The following CLCNKA variants were observed in gnomAD, a reference collection of about 807,000 sequenced individuals.
The protein encoded by CLCNKA is chloride voltage-gated channel Ka.
Under a neutral mutation model 83.3 loss-of-function variants are expected in CLCNKA, and 66 were observed. The ratio of observed to expected loss-of-function variants is 0.79; its 90% CI spans 0.65 to 0.97. The LOEUF is 0.97. CLCNKA is among the 50% of genes least tolerant of loss of function. The pLI is 0.00. For missense variants in CLCNKA, 806 were observed against 888.7 expected (o/e 0.91, Z 1.18); for synonymous variants, 357 against 370.4 (o/e 0.96, Z 0.42).
intron 3 of CLCNKA, 42 bp from the exon 4 acceptor site, chr1:16,024,721 G>T: frequency 1.1e-5 from 18 of 1,612,274 alleles, no homozygotes; most frequent in Non-Finnish European, 1.5e-5. Flanking sequence ...CCTGAGGGCT[G>T]CAGAGGCTGT....
At chr1:16,033,308 C>CTGGGGAGG (rs1557458576) in intron 19 of CLCNKA, 52 bp downstream of exon 19, 1 of 1,586,300 alleles carries the variant, frequency 6.3e-7, no homozygotes, top group Non-Finnish European at 8.7e-7. Flanking sequence ...CCTGAGAAGG[C>CTGGGGAGG]TGGGGAGATG....
chr1:16,031,632 G>T, intron 15 of CLCNKA, 78 bp from the exon 16 acceptor site: 1 of 1,605,622 alleles, frequency 6.2e-7, no homozygotes, highest in Non-Finnish European at 8.5e-7. Flanking sequence ...TTCAAGCAAA[G>T]CTCCCCTCAG....
intron 8 of CLCNKA, among the ~76,000 whole-genome samples, 191 bp from the exon 9 acceptor site, chr1:16,027,629 CA>C (rs2022422609): frequency 6.6e-6 from 1 of 152,246 alleles, no homozygotes; most frequent in African/African-American, 2.4e-5. Context: ...TGTTGAGGGG[CA>C]AGGGGCCCTG....
chr1:16,032,200 C>T lies in CLCNKA; in HGVS notation c.1757-3C>T. On this transcript the variant is annotated splice_polypyrimidine_tract_variant and splice_region_variant and intron_variant, in intron 16 of 19. Transcript: ENST00000331433. ...TCCCTCCCTCTCCCTCTCTACTTGC[C>T]AGAGTCCCAGATCCTGGTAGGCATC... The T allele has an allele frequency of 1.2e-6, 2 of 1,612,190 alleles. No individual in the cohort carries two copies. The highest frequency in any genetic ancestry group is 1.7e-6 in the Non-Finnish European group (2 of 1,179,404).
At chr1:16,032,946 G>T (rs2022691339) in intron 18 of CLCNKA, among the ~76,000 whole-genome samples, 1 of 152,218 alleles carries the variant, frequency 6.6e-6, no homozygotes, top group Non-Finnish European at 1.5e-5. Flanking sequence ...GCTGCTGGAG[G>T]GTGCTGGATG....
Position 16,033,239 on chromosome 1 carries a change from T to C in CLCNKA, c.1999T>C (p.Cys667Arg). 1 of 1,613,940 alleles carries C rather than the reference T, an allele frequency of 6.2e-7. No homozygotes were observed. The highest frequency in any genetic ancestry group is 8.5e-7 in the Non-Finnish European group (1 of 1,179,948). Residue 667 changes from cysteine (C) to arginine (R), a missense_variant, in exon 19 of 20, where the codon TGC becomes CGC. Transcript: ENST00000331433. Reference sequence around the variant, plus strand: ...GACATCGCGGGGCAGAGCTGTGGGCTGCGTGTCCTGGGTGGAGGTACCAGG... The same window carrying C: ...GACATCGCGGGGCAGAGCTGTGGGCCGCGTGTCCTGGGTGGAGGTACCAGG... ...FVTSRGRAVGCVSWVEMKKAI... is the reference protein window; with the variant it reads ...FVTSRGRAVGRVSWVEMKKAI...
chr1:16,026,688 A>T lies in CLCNKA; in HGVS notation c.577-9A>T, dbSNP rs2022364531. 6.2e-7 allele frequency: 1 copy of T among 1,613,572 alleles called. No homozygotes were observed. Among genetic ancestry groups the T allele is most frequent in the South Asian group, 1.1e-5 (1 of 91,080 alleles). On this transcript the variant is annotated splice_polypyrimidine_tract_variant and intron_variant, in intron 6 of 19. Transcript: ENST00000331433. Reference sequence around the variant, plus strand: ...GGCTGACTCTGAGCCCTGGACTCGGATCCCCCAGAACAAGAGCAAGCAAAA... The same window carrying T: ...GGCTGACTCTGAGCCCTGGACTCGGTTCCCCCAGAACAAGAGCAAGCAAAA...
chr1:16,032,192 C>A lies in CLCNKA; in HGVS notation c.1757-11C>A, dbSNP rs760410288. 1 of 1,610,972 alleles carries A rather than the reference C, an allele frequency of 6.2e-7. No individual in the cohort carries two copies. The highest frequency in any genetic ancestry group is 8.5e-7 in the Non-Finnish European group (1 of 1,178,284). On this transcript the variant is annotated splice_polypyrimidine_tract_variant and intron_variant, in intron 16 of 19. Transcript: ENST00000331433. The stretch of plus-strand genomic sequence containing the variant: ...AATGCACCTCCCTCCCTCTCCCTCT[C>A]TACTTGCCAGAGTCCCAGATCCTGG...
chr1:16,025,961 G>T, intron 4 of CLCNKA, 147 bp from the exon 5 acceptor site: 2 of 1,032,184 alleles, frequency 1.9e-6, no homozygotes, highest in Non-Finnish European at 3.0e-6. Flanking sequence ...TCACCATGTT[G>T]GCAAGGCTGG....
In CLCNKA at chr1:16,031,713, C is replaced by A; in HGVS notation, c.1626C>A (p.Ser542=). 6.2e-7 allele frequency: 1 copy of A among 1,613,758 alleles called. No individual in the cohort carries two copies. Among genetic ancestry groups the A allele is most frequent in the African/African-American group, 1.3e-5 (1 of 75,052 alleles). The change falls in exon 16 of 20, where the codon TCC becomes TCA. Residue 542 remains serine, a synonymous_variant. Transcript: ENST00000331433. ...LPRILGRNIG[S]HHVRVEHFMN... ...ATGGGAGCCCCTCTGCCTGCAGCTC[C>A]CACCATGTGAGGGTGGAGCACTTCA...
At chr1:16,030,321 G>A in intron 14 of CLCNKA, 140 bp from the exon 15 acceptor site, 1 of 1,108,772 alleles carries the variant, frequency 9.0e-7, no homozygotes, top group Non-Finnish European at 1.3e-6. Context: ...AGGCCTTGGG[G>A]CACTTCCCAC....
Position 16,031,776 on chromosome 1 carries a change from G to A in CLCNKA, c.1689G>A (p.Pro563=), listed in dbSNP as rs199587920. 1.8e-4 allele frequency: 284 copies of A among 1,608,992 alleles called. 1 individual carries two copies. Among genetic ancestry groups the A allele is most frequent in the East Asian group, 7.4e-4 (33 of 44,894 alleles). The stretch of plus-strand genomic sequence containing the variant: ...TCACCACACTGGCCAAGGACACGCC[G>A]CTGGAGGAGGTGGTCAAGGTTGTGA... ...HSITTLAKDT[P]LEEVVKVVTS... is the part of the protein sequence containing the mutation. The change falls in exon 16 of 20, where the codon CCG becomes CCA. Residue 563 remains proline (P), a synonymous_variant. Coordinates refer to ENST00000331433, the MANE Select transcript of CLCNKA (RefSeq NM_004070.4).
chr1:16,027,458 C>A, intron 8 of CLCNKA, 23 bp downstream of exon 8: 4 of 1,612,670 alleles, frequency 2.5e-6, no homozygotes, highest in Non-Finnish European at 3.4e-6. Flanking sequence ...GGCTGCCTGA[C>A]CCTGGCCCTG....
rs770871147 is a variant in CLCNKA, at chr1:16,026,112, TG to T, written c.365del (p.Gly122GlufsTer5). ...TTCCTGTCCTGTCTGGCTAAGGTTC[TG>T]GAATCCCGGAGCTGAAGACCATGTT... ...QSITPSSGGS[G>X]IPELKTMLAG... On this transcript the variant is annotated frameshift_variant, in exon 5 of 20. Transcript: ENST00000331433. LOFTEE classifies it high-confidence loss of function. 1 of 1,612,570 alleles carries T rather than the reference TG, an allele frequency of 6.2e-7. No homozygotes were observed. Among genetic ancestry groups the T allele is most frequent in the Non-Finnish European group, 8.5e-7 (1 of 1,180,008 alleles).
At chr1:16,022,528 G>A (rs1394850697) in intron 1 of CLCNKA, 85 bp from the exon 2 acceptor site, 12 of 913,878 alleles carry the variant, frequency 1.3e-5, no homozygotes, top group Non-Finnish European at 2.0e-5. Flanking sequence ...CTTCATTTGG[G>A]TGGGGAGAGC....
intron 12 of CLCNKA, 126 bp downstream of exon 12, chr1:16,029,425 C>T (rs1197656125): frequency 9.1e-6 from 13 of 1,425,418 alleles, no homozygotes; most frequent in Non-Finnish European, 1.1e-5. Flanking sequence ...TTCTGTGCCC[C>T]CTGCCCACTG....
chr1:16,027,281 G>C, intron 7 of CLCNKA, 29 bp from the exon 8 acceptor site: 1 of 1,612,056 alleles, frequency 6.2e-7, no homozygotes, highest in Non-Finnish European at 8.5e-7. Flanking sequence ...TGGGGGTGGG[G>C]GCCCACCTGA....
chr1:16,026,751 A>G lies in CLCNKA; in HGVS notation c.631A>G (p.Thr211Ala). 6.2e-7 allele frequency: 1 copy of G among 1,613,530 alleles called. No individual in the cohort carries two copies. The highest frequency in any genetic ancestry group is 8.5e-7 in the Non-Finnish European group (1 of 1,179,828). Residue 211 changes from threonine (T) to alanine (A), a missense_variant, in exon 7 of 20, where the codon ACA becomes GCA. Coordinates refer to ENST00000331433, the MANE Select transcript of CLCNKA (RefSeq NM_004070.4). ...GGCAGCGGCGGCAGTGGGCGTGGCC[A>G]CAGTCTTTGCAGCTCCCTTCAGCGG... ...LVAAAAVGVATVFAAPFSGVL... is the reference protein window; with the variant it reads ...LVAAAAVGVAAVFAAPFSGVL...
Position 16,023,903 on chromosome 1 carries a change from C to T in CLCNKA, c.204C>T (p.Asn68=). 6.2e-7 allele frequency: 1 copy of T among 1,614,188 alleles called. No homozygotes were observed. The highest frequency in any genetic ancestry group is 8.5e-7 in the Non-Finnish European group (1 of 1,180,024). ...VLMALVSYAM[N]FAIGCVVRAH... is the part of the protein sequence containing the mutation. Reference sequence around the variant, plus strand: ...TGGCCCTGGTCAGCTATGCCATGAACTTTGCCATCGGGTGTGTGGTCCGAG... The same window carrying T: ...TGGCCCTGGTCAGCTATGCCATGAATTTTGCCATCGGGTGTGTGGTCCGAG... The change falls in exon 3 of 20, where the codon AAC becomes AAT. Residue 68 remains asparagine, a synonymous_variant. Coordinates refer to ENST00000331433, the MANE Select transcript of CLCNKA (RefSeq NM_004070.4).
Sources: gnomAD v4.1 joint callset for allele counts (sites outside exome capture counted in the v4.1 genomes callset) on GRCh38, gnomAD v4.1.1 for gene constraint, MANE v1.5 for transcripts, NCBI Gene and HGNC (gene_info 2026-07-23, HGNC 2026-07-21) for gene names.